Variants in DPF2 observed in about 807,000 individuals in gnomAD.
The protein encoded by DPF2 is double PHD fingers 2.
Under a neutral mutation model 59.6 loss-of-function variants are expected in DPF2, and 10 were observed. The ratio of observed to expected loss-of-function variants is 0.17; its 90% CI spans 0.10 to 0.28. The LOEUF (loss-of-function observed/expected upper bound fraction) is 0.28, where lower values mean the gene tolerates loss of function less well. DPF2 is among the 10% of genes least tolerant of loss of function. DPF2 has a pLI of 1.00. For synonymous variants in DPF2, 189 were observed against 190.6 expected, an observed-to-expected ratio of 0.99 and a Z score of 0.07; for missense variants, 315 against 509.4, an observed-to-expected ratio of 0.62 and a Z score of 3.67.
At chr11:65,336,369 G>A (rs1950095125) in intron 1 of DPF2, among the ~76,000 whole-genome samples, 1 of 151,952 alleles carries the variant, frequency 6.6e-6, no homozygotes, top group Non-Finnish European at 1.5e-5. Flanking sequence ...GCGCACACCT[G>A]TAGTCCCAGC....
intron 10 of DPF2, among the ~76,000 whole-genome samples, chr11:65,350,015 T>C (rs1297993020): frequency 6.6e-6 from 1 of 152,184 alleles, no homozygotes; most frequent in Non-Finnish European, 1.5e-5. Context: ...TTAGCAGCTG[T>C]AGGGGAGTAC....
chr11:65,339,285 T>TGGAATCTTATATTCCAATGGAA (rs1854296557), intron 1 of DPF2, among the ~76,000 whole-genome samples: 3 of 151,944 alleles, frequency 2.0e-5, no homozygotes, highest in Non-Finnish European at 1.5e-5. Context: ...AAGATCGAGT[T>TGGAATCTTATATTCCAATGGAA]TGTTAACCTC....
Position 65,344,076 on chromosome 11 carries a change from G to A in DPF2, c.637+7G>A, listed in dbSNP as rs1227603814. 6.2e-7 allele frequency: 1 copy of A among 1,614,004 alleles called. No homozygotes were observed. Among genetic ancestry groups the A allele is most frequent in the Non-Finnish European group, 8.5e-7 (1 of 1,179,982 alleles). ...AAGCCCTATGCCTGTGACAGTGAGT[G>A]CCTCACAAGTGGGTGGGTAGACCTT... On this transcript the variant is annotated splice_region_variant and intron_variant, in intron 6 of 10. Coordinates refer to ENST00000528416, the MANE Select transcript of DPF2 (RefSeq NM_006268.5).
At chr11:65,351,612 A>G (rs1189348689) in intron 10 of DPF2, 71 bp from the exon 11 acceptor site, 12 of 1,344,194 alleles carry the variant, frequency 8.9e-6, no homozygotes, top group Non-Finnish European at 1.3e-5. Flanking sequence ...ATGGGGTATC[A>G]AGAGCAGAGG....
chr11:65,344,850 C>A (rs1854480915), intron 6 of DPF2: 2 of 555,416 alleles, frequency 3.6e-6, no homozygotes, highest in Non-Finnish European at 6.3e-6. Context: ...CGGCCCAGTG[C>A]ATGGGGTGGC....
At position 65,354,061 on chromosome 11, in the gene DPF2, G is replaced by A. The variant is rs1252836553; in HGVS notation, c.*2302G>A. The stretch of plus-strand genomic sequence containing the variant: ...CAGCCGGTAGGACGGGGGTGCGGAC[G>A]GAAGCCTGTGAGGAAGGCAGAGGAT... On this transcript the variant is annotated 3_prime_UTR_variant, in exon 11 of 11. Coordinates refer to ENST00000528416, the MANE Select transcript of DPF2 (RefSeq NM_006268.5). Among the ~76,000 whole-genome samples, 1 of 152,172 alleles carries A rather than the reference G, an allele frequency of 6.6e-6. No homozygotes were observed. The highest frequency in any genetic ancestry group is 1.5e-5 in the Non-Finnish European group (1 of 68,028).
chr11:65,341,095 C>G (rs1854356850), intron 3 of DPF2, 22 bp downstream of exon 3: 1 of 1,611,562 alleles, frequency 6.2e-7, no homozygotes, highest in Non-Finnish European at 8.5e-7. Flanking sequence ...ACTTCCTGAG[C>G]AGAGGCGTGG....
Position 65,345,943 on chromosome 11 carries a change from T to C in DPF2, c.789T>C (p.Pro263=). ...TTCTCTCTGTAGCCAAAAAGGGTCC[T>C]GATGGATTGGCCTTGCCCAACAACT... ...RSEEQKSKKG[P]DGLALPNNYC... is the part of the protein sequence containing the mutation. The change falls in exon 8 of 11, where the codon CCT becomes CCC. Residue 263 remains proline (P), a synonymous_variant. Transcript: ENST00000528416. The C allele has an allele frequency of 6.2e-7, 1 of 1,614,172 alleles. No individual in the cohort carries two copies. The highest frequency in any genetic ancestry group is 1.7e-5 in the Admixed American group (1 of 60,018).
intron 1 of DPF2, among the ~76,000 whole-genome samples, chr11:65,339,773 G>A (rs1006014099): frequency 1.3e-5 from 2 of 152,168 alleles, no homozygotes; most frequent in African/African-American, 4.8e-5. Context: ...AGTGTACCTT[G>A]CTTTGCTTTT....
intron 1 of DPF2, among the ~76,000 whole-genome samples, chr11:65,338,447 G>A (rs1854271576): frequency 1.3e-5 from 2 of 152,198 alleles, no homozygotes; most frequent in Admixed American, 6.5e-5. Context: ...CTCTGACTTT[G>A]CAGCACTCGC....
chr11:65,337,542 G>GAGAGAGAGAA (rs1854232210), intron 1 of DPF2, among the ~76,000 whole-genome samples: 1 of 129,132 alleles, frequency 7.7e-6, no homozygotes. Flanking sequence ...GAGAGAGAGA[G>GAGAGAGAGAA]AGAGAACAAT....
At position 65,354,110 on chromosome 11, in the gene DPF2, A is replaced by G. The variant is rs1166138265; in HGVS notation, c.*2351A>G. ...ATGCGGAGCTGTGAGCGGAGGGAGC[A>G]GCGAGGCTGGAGAGCAGCTGGGCTG... On this transcript the variant is annotated 3_prime_UTR_variant, in exon 11 of 11. Transcript: ENST00000528416. 6.6e-6 allele frequency among the ~76,000 whole-genome samples: 1 copy of G among 152,190 alleles called. No individual in the cohort carries two copies. Among genetic ancestry groups the G allele is most frequent in the East Asian group, 1.9e-4 (1 of 5,206 alleles).
chr11:65,342,249 A>G (rs1854395897), intron 4 of DPF2, among the ~76,000 whole-genome samples: 1 of 152,222 alleles, frequency 6.6e-6, no homozygotes, highest in Non-Finnish European at 1.5e-5. Context: ...AAAACTTTTC[A>G]GTCTAGGCAA....
chr11:65,336,776 A>G (rs1420929965), intron 1 of DPF2, among the ~76,000 whole-genome samples: 4 of 106,852 alleles, frequency 3.7e-5, no homozygotes, highest in Admixed American at 3.6e-4. Flanking sequence ...CAACAGCAAG[A>G]CTCCATCTCA....
chr11:65,338,919 AAAGCTCATTTGGTCC>A (rs1419876832), intron 1 of DPF2, among the ~76,000 whole-genome samples: 1 of 152,194 alleles, frequency 6.6e-6, no homozygotes, highest in Admixed American at 6.5e-5. Flanking sequence ...CTGATATGTC[AAAGCTCATTTGGTCC>A]AACCTCCTCA....
chr11:65,350,044 A>G (rs1854647510), intron 10 of DPF2, among the ~76,000 whole-genome samples: 1 of 152,118 alleles, frequency 6.6e-6, no homozygotes, highest in African/African-American at 2.4e-5. Flanking sequence ...TGTCAGGCCC[A>G]GTTTATGAAT....
chr11:65,343,862 A>G (rs1258222225), intron 5 of DPF2, 25 bp downstream of exon 5: 11 of 1,583,002 alleles, frequency 6.9e-6, no homozygotes, highest in Non-Finnish European at 9.5e-6. Context: ...TGCTGCCTGC[A>G]TCTTGGGACA....
intron 6 of DPF2, 75 bp downstream of exon 6, chr11:65,344,144 G>T (rs1854461043): frequency 1.3e-6 from 2 of 1,497,736 alleles, no homozygotes; most frequent in Non-Finnish European, 1.9e-6. Flanking sequence ...AGGAGGGAGG[G>T]TTGTGTTTTT....
intron 1 of DPF2, among the ~76,000 whole-genome samples, chr11:65,337,496 T>TAGAGAGAG (rs1475373950): frequency 7.0e-5 from 4 of 57,222 alleles, no homozygotes; most frequent in Middle Eastern, 9.1e-3. Context: ...TATATATATA[T>TAGAGAGAG]ATATATATAG....
Sources: gnomAD v4.1 joint callset for allele counts (sites outside exome capture counted in the v4.1 genomes callset) on GRCh38, gnomAD v4.1.1 for gene constraint, MANE v1.5 for transcripts, NCBI Gene and HGNC (gene_info 2026-07-23, HGNC 2026-07-21) for gene names.